CHSY3: variants seen among roughly 807,000 people sequenced by gnomAD.
CHSY3 encodes N-acetylgalactosaminyl-proteoglycan 3-beta-glucuronosyltransferase 3.
In CHSY3, 35 loss-of-function variants were observed where a neutral mutation model predicts 67.2. The observed-to-expected ratio is 0.52, with a 90% CI of 0.40 to 0.69. The LOEUF (loss-of-function observed/expected upper bound fraction) is 0.69. Ranked by LOEUF, CHSY3 falls within the 30% of genes least tolerant of loss-of-function variation. The probability of loss-of-function intolerance (pLI) is 0.00; values close to 1 mark genes in which losing one functional copy is unlikely to be tolerated. For synonymous variants in CHSY3, 474 were observed against 434.7 expected (o/e 1.09, Z -1.12); for missense variants, 1,069 against 1,138.5 (o/e 0.94, Z 0.88).
chr5:130,029,670 C>CT (rs1488179426), intron 2 of CHSY3, among the ~76,000 whole-genome samples: 14 of 152,048 alleles, frequency 9.2e-5, no homozygotes, highest in African/African-American at 2.9e-4. Flanking sequence ...AGCTAGCCCT[C>CT]TTTTTTTTAA....
intron 2 of CHSY3, among the ~76,000 whole-genome samples, chr5:130,027,661 C>T (rs980553636): frequency 6.6e-6 from 1 of 151,224 alleles, no homozygotes; most frequent in South Asian, 2.1e-4. Flanking sequence ...GTGATGTTCC[C>T]CTTCCTGTGT....
In CHSY3 at chr5:129,922,649, A is replaced by T. The variant is rs183472285; in HGVS notation, c.1086+14289A>T. Among the ~76,000 whole-genome samples, 21 of 152,090 alleles carry T rather than the reference A, an allele frequency of 1.4e-4. 1 individual carries two copies. The highest frequency in any genetic ancestry group is 5.2e-4 in the Admixed American group (8 of 15,284). Reference sequence around the variant, plus strand: ...TTTATATGTCTTTTCAAAAATGTCAATTCAGGTCTTTTGCCCATTTCTTAA... The same window carrying T: ...TTTATATGTCTTTTCAAAAATGTCATTTCAGGTCTTTTGCCCATTTCTTAA... On this transcript the variant is annotated intron_variant, in intron 2 of 2. Coordinates refer to ENST00000305031, the MANE Select transcript of CHSY3 (RefSeq NM_175856.5).
intron 2 of CHSY3, among the ~76,000 whole-genome samples, chr5:130,133,792 A>AAAAAAAAAAAAAAAAAAAC: frequency 7.9e-6 from 1 of 126,576 alleles, no homozygotes; most frequent in African/African-American, 2.8e-5. Flanking sequence ...AAAAAAAAAA[A>AAAAAAAAAAAAAAAAAAAC]AAAGAAAAAA....
At chr5:130,120,122 C>A (rs1363037575) in intron 2 of CHSY3, among the ~76,000 whole-genome samples, 1 of 152,106 alleles carries the variant, frequency 6.6e-6, no homozygotes, top group Non-Finnish European at 1.5e-5. Context: ...TAAAAATCTA[C>A]TAAAAAAGAA....
At chr5:130,102,768 C>T (rs1482364940) in intron 2 of CHSY3, among the ~76,000 whole-genome samples, 1 of 151,954 alleles carries the variant, frequency 6.6e-6, no homozygotes, top group African/African-American at 2.4e-5. Context: ...GCCTGGTTGT[C>T]GAGAAGAATA....
At chr5:130,010,051 C>A (rs1221855517) in intron 2 of CHSY3, among the ~76,000 whole-genome samples, 4 of 152,096 alleles carry the variant, frequency 2.6e-5, no homozygotes, top group Admixed American at 1.3e-4. Flanking sequence ...AACTGTAACA[C>A]CCCACTGACA....
At chr5:130,088,716 G>A (rs1223181444) in intron 2 of CHSY3, among the ~76,000 whole-genome samples, 1 of 152,086 alleles carries the variant, frequency 6.6e-6, no homozygotes, top group Non-Finnish European at 1.5e-5. Flanking sequence ...AAAAAGTCAG[G>A]AAACAACAGG....
At chr5:129,949,014 T>C (rs1375713222) in intron 2 of CHSY3, among the ~76,000 whole-genome samples, 1 of 152,230 alleles carries the variant, frequency 6.6e-6, no homozygotes, top group African/African-American at 2.4e-5. Flanking sequence ...ATGGGTTGTC[T>C]GTTAACTCTG....
intron 2 of CHSY3, among the ~76,000 whole-genome samples, chr5:130,044,967 C>A (rs1245482923): frequency 6.6e-6 from 1 of 152,022 alleles, no homozygotes; most frequent in Non-Finnish European, 1.5e-5. Context: ...ACTTGGATGG[C>A]ATAAGTAGTT....
At chr5:130,155,964 G>A (rs1164709425) in intron 2 of CHSY3, among the ~76,000 whole-genome samples, 1 of 152,172 alleles carries the variant, frequency 6.6e-6, no homozygotes, top group Non-Finnish European at 1.5e-5. Context: ...TAACCTGACA[G>A]TTTAGCATTT....
intron 2 of CHSY3, among the ~76,000 whole-genome samples, chr5:130,087,680 A>G (rs1051065374): frequency 2.0e-5 from 3 of 152,116 alleles, no homozygotes; most frequent in African/African-American, 7.2e-5. Flanking sequence ...GGACCTCTTC[A>G]AGGAGAACTA....
At chr5:130,110,150 G>A (rs548273251) in intron 2 of CHSY3, among the ~76,000 whole-genome samples, 57 of 151,942 alleles carry the variant, frequency 3.8e-4, no homozygotes, top group African/African-American at 1.4e-3. Context: ...TATCTAAAAA[G>A]TATGCTCTAG....
chr5:129,965,059 A>G (rs1189298916), intron 2 of CHSY3, among the ~76,000 whole-genome samples: 2 of 151,950 alleles, frequency 1.3e-5, no homozygotes, highest in African/African-American at 4.8e-5. Flanking sequence ...TCATGACATC[A>G]GTTGGAATTT....
intron 2 of CHSY3, among the ~76,000 whole-genome samples, chr5:129,988,412 A>C (rs1763264606): frequency 6.6e-6 from 1 of 152,238 alleles, no homozygotes; most frequent in Non-Finnish European, 1.5e-5. Context: ...CTGGTAAAGA[A>C]TCAGACAGTG....
intron 2 of CHSY3, among the ~76,000 whole-genome samples, chr5:130,068,466 T>C (rs564593810): frequency 1.2e-4 from 18 of 152,156 alleles, no homozygotes; most frequent in African/African-American, 4.3e-4. Flanking sequence ...ACTACTCCTC[T>C]AAGAACAACA....
At chr5:130,143,132 G>A (rs1768920836) in intron 2 of CHSY3, among the ~76,000 whole-genome samples, 1 of 152,098 alleles carries the variant, frequency 6.6e-6, no homozygotes, top group Non-Finnish European at 1.5e-5. Context: ...AAACTTTTTT[G>A]TGTGGATAAA....
intron 2 of CHSY3, among the ~76,000 whole-genome samples, chr5:130,114,844 C>T (rs1441081642): frequency 1.3e-5 from 2 of 152,114 alleles, no homozygotes; most frequent in Non-Finnish European, 2.9e-5. Context: ...TTGTCCCTTT[C>T]CTGGTACCTG....
chr5:129,944,543 C>T (rs1761795516), intron 2 of CHSY3, among the ~76,000 whole-genome samples: 1 of 152,140 alleles, frequency 6.6e-6, no homozygotes. Context: ...GCATGTTGGT[C>T]AGGCTGGTCT....
At chr5:130,142,449 C>T (rs2149720037) in intron 2 of CHSY3, among the ~76,000 whole-genome samples, 1 of 152,194 alleles carries the variant, frequency 6.6e-6, no homozygotes, top group South Asian at 2.1e-4. Context: ...ACTGAAACCT[C>T]GCTTTTTGGA....
Sources: allele counts gnomAD v4.1 joint callset (sites outside exome capture counted in the v4.1 genomes callset), GRCh38; gene constraint gnomAD v4.1.1; transcripts MANE v1.5; gene names NCBI Gene and HGNC (gene_info 2026-07-23, HGNC 2026-07-21).